CCDC175: variants seen among roughly 807,000 people sequenced by gnomAD.
CCDC175 encodes coiled-coil domain-containing protein 175.
Under a neutral mutation model 114.6 loss-of-function variants are expected in CCDC175, and 100 were observed. The ratio of observed to expected loss-of-function variants is 0.87; its 90% CI spans 0.74 to 1.03. The LOEUF is 1.03. Ranked by LOEUF, CCDC175 falls within the 50% of genes least tolerant of loss-of-function variation. CCDC175 has a pLI of 0.00. For synonymous variants in CCDC175, 306 were observed against 308.7 expected (o/e 0.99, Z 0.09); for missense variants, 880 against 917.8 (o/e 0.96, Z 0.53).
intron 17 of CCDC175, among the ~76,000 whole-genome samples, chr14:59,516,689 C>A (rs907334278): frequency 1.3e-5 from 2 of 152,096 alleles, no homozygotes; most frequent in Admixed American, 6.5e-5. Flanking sequence ...AGCTTACCAA[C>A]CAAAAAAAGT....
chr14:59,505,279 G>T lies in CCDC175; in HGVS notation c.2342C>A (p.Pro781Gln), dbSNP rs138609862. The T allele has an allele frequency of 3.4e-4, 516 of 1,509,416 alleles. No individual in the cohort carries two copies. The highest frequency in any genetic ancestry group is 4.4e-4 in the Non-Finnish European group (502 of 1,128,118). 93.5% of individuals were successfully genotyped at this position (1,509,416 alleles called of 1,614,324 possible). ...KKHIRTRVHF[P>Q]VVKCTEKNTL... ...ATTTTTCTCAGTACATTTAACCACTGGGAAATGAACCCTTGTACGAATGTG... is the reference window on the plus strand; with the variant it reads ...ATTTTTCTCAGTACATTTAACCACTTGGAAATGAACCCTTGTACGAATGTG... The change falls in exon 20 of 20, where the codon CCA (proline) becomes CAA (glutamine). Residue 781 changes from proline to glutamine, a missense_variant. Physicochemically the swap from Pro to Gln is moderately conservative, Grantham distance 76. Transcript: ENST00000537690.
chr14:59,535,376 G>A (rs532732012), intron 13 of CCDC175, among the ~76,000 whole-genome samples: 87 of 152,192 alleles, frequency 5.7e-4, no homozygotes, highest in African/African-American at 2.1e-3. Context: ...TATGTATCTT[G>A]CCTAATTGCA....
chr14:59,545,413 A>C (rs1447923966), intron 8 of CCDC175, 114 bp from the exon 9 acceptor site: 1 of 788,802 alleles, frequency 1.3e-6, no homozygotes, highest in Non-Finnish European at 1.9e-6. Context: ...CCCACCGTGA[A>C]TATGCCATAA....
intron 17 of CCDC175, among the ~76,000 whole-genome samples, chr14:59,514,025 C>T (rs1043461385): frequency 1.3e-5 from 2 of 152,238 alleles, no homozygotes; most frequent in Non-Finnish European, 2.9e-5. Context: ...CGCTGTTCTG[C>T]AGCCTCCGCT....
chr14:59,543,472 G>C lies in CCDC175; in HGVS notation c.1173-18C>G. 9.4e-7 allele frequency: 1 copy of C among 1,064,544 alleles called. No individual in the cohort carries two copies. Among genetic ancestry groups the C allele is most frequent in the Non-Finnish European group, 1.3e-6 (1 of 760,322 alleles). 65.9% of individuals were successfully genotyped at this position (1,064,544 alleles called of 1,614,324 possible). A position where few individuals can be genotyped will look rare whatever the true frequency, so the allele number is the denominator to read the frequency against. On this transcript the variant is annotated intron_variant, in intron 9 of 19. Coordinates refer to ENST00000537690, the MANE Select transcript of CCDC175 (RefSeq NM_001164399.2). Reference sequence around the variant, plus strand: ...TCTGATTTCTATCATGAAAAACAGAGTTATTTGTTGAAGGCTGACATAAAT... The same window carrying C: ...TCTGATTTCTATCATGAAAAACAGACTTATTTGTTGAAGGCTGACATAAAT...
chr14:59,550,023 G>T (rs1895369991), intron 8 of CCDC175, among the ~76,000 whole-genome samples: 1 of 152,042 alleles, frequency 6.6e-6, no homozygotes. Context: ...CAATTCTCCT[G>T]TCTCAGCCTC....
At chr14:59,571,644 T>C (rs145859553) in intron 3 of CCDC175, among the ~76,000 whole-genome samples, 4 of 152,254 alleles carry the variant, frequency 2.6e-5, no homozygotes, top group Non-Finnish European at 4.4e-5. Context: ...GGCAAAGATG[T>C]AGAGATACTG....
chr14:59,529,249 A>C (rs1893927603), intron 14 of CCDC175, among the ~76,000 whole-genome samples: 1 of 152,324 alleles, frequency 6.6e-6, no homozygotes, highest in African/African-American at 2.4e-5. Flanking sequence ...GGCTGGCAGC[A>C]TTCAGCAAAC....
chr14:59,534,135 A>G (rs1184764640), intron 13 of CCDC175, among the ~76,000 whole-genome samples: 1 of 152,122 alleles, frequency 6.6e-6, no homozygotes, highest in Non-Finnish European at 1.5e-5. Flanking sequence ...GGCTGCTGTG[A>G]TAAGAAGCCA....
chr14:59,536,159 G>A (rs143798491), intron 13 of CCDC175, among the ~76,000 whole-genome samples: 35 of 152,072 alleles, frequency 2.3e-4, no homozygotes, highest in Non-Finnish European at 3.7e-4. Context: ...CACCACCCCT[G>A]GCACTCCCCA....
At chr14:59,563,370 C>T (rs1365353542) in intron 6 of CCDC175, among the ~76,000 whole-genome samples, 2 of 152,158 alleles carry the variant, frequency 1.3e-5, no homozygotes, top group Non-Finnish European at 2.9e-5. Flanking sequence ...TATTATTCCA[C>T]ATTCAGAATT....
In CCDC175 at chr14:59,576,662, G is replaced by T; in HGVS notation, c.114C>A (p.Gly38=). 6.7e-7 allele frequency: 1 copy of T among 1,481,682 alleles called. No homozygotes were observed. The highest frequency in any genetic ancestry group is 2.4e-5 in the Admixed American group (1 of 41,194). 91.8% of individuals were successfully genotyped at this position (1,481,682 alleles called of 1,614,324 possible). ...CCAGCGCCTCGACCGCGACCGAGGA[G>T]CCCAGGGTGGAGGGTAAGGTGCATA... ...LELCTLPSTL[G]SSVAVEALEQ... Residue 38 remains glycine, a synonymous_variant, in exon 1 of 20, where the codon GGC becomes GGA. Transcript: ENST00000537690.
chr14:59,529,684 TATC>T (rs1466165162), intron 14 of CCDC175, among the ~76,000 whole-genome samples: 2 of 152,218 alleles, frequency 1.3e-5, no homozygotes, highest in Non-Finnish European at 2.9e-5. Flanking sequence ...GCAAATGTCT[TATC>T]TCTTCCAGTG....
chr14:59,527,933 A>G (rs900485196), intron 14 of CCDC175, among the ~76,000 whole-genome samples: 1 of 152,070 alleles, frequency 6.6e-6, no homozygotes, highest in Admixed American at 6.5e-5. Context: ...TTATTCAACC[A>G]GAACCCTTTG....
At position 59,525,290 on chromosome 14, in the gene CCDC175, A is replaced by AT. The variant is rs1410439268; in HGVS notation, c.1986dup (p.Leu663IlefsTer11). ...GGTGCTCTTAAACTTACTTCTTTTA[A>AT]TTTTTTATTTTCCAGGAGCAGAAGA... On this transcript the variant is annotated frameshift_variant, in exon 16 of 20. Transcript: ENST00000537690. LOFTEE classifies it high-confidence loss of function. 19 of 1,448,860 alleles carry AT rather than the reference A, an allele frequency of 1.3e-5. No homozygotes were observed. The South Asian group carries it at 2.2e-4, about 16-fold the overall frequency. The allele number at this position is 1,448,860 out of a possible 1,614,324, so 89.8% of individuals were successfully genotyped here.
At chr14:59,568,592 A>C (rs891639099) in intron 3 of CCDC175, among the ~76,000 whole-genome samples, 4 of 152,102 alleles carry the variant, frequency 2.6e-5, no homozygotes, top group Admixed American at 2.6e-4. Flanking sequence ...GTGGGCTTGG[A>C]TCAATTTCAG....
intron 4 of CCDC175, among the ~76,000 whole-genome samples, chr14:59,566,996 C>G (rs1314719561): frequency 6.6e-6 from 1 of 152,212 alleles, no homozygotes; most frequent in African/African-American, 2.4e-5. Context: ...CCTCCCAGAT[C>G]TGTTAAATCA....
In CCDC175 at chr14:59,563,096, G is replaced by A. The variant is rs551133892; in HGVS notation, c.843+641C>T. Among the ~76,000 whole-genome samples, 19 of 152,150 alleles carry A rather than the reference G, an allele frequency of 1.2e-4. No individual in the cohort carries two copies. The South Asian group carries it at 3.7e-3, about 30-fold the overall frequency. On this transcript the variant is annotated intron_variant, in intron 6 of 19. Coordinates refer to ENST00000537690, the MANE Select transcript of CCDC175 (RefSeq NM_001164399.2). ...AATTAATTGTGATAAGAAGTTAACA[G>A]GCATTTTTGTTTTAATTAACATACA...
chr14:59,529,542 C>G (rs372541998), intron 14 of CCDC175, among the ~76,000 whole-genome samples: 1 of 152,150 alleles, frequency 6.6e-6, no homozygotes, highest in East Asian at 1.9e-4. Context: ...GGGGAAAGAA[C>G]TTTTTGCCTT....
Sources: gnomAD v4.1 joint callset for allele counts (sites outside exome capture counted in the v4.1 genomes callset) on GRCh38, gnomAD v4.1.1 for gene constraint, MANE v1.5 for transcripts, NCBI Gene and HGNC (gene_info 2026-07-23, HGNC 2026-07-21) for gene names.